Variants in SLC28A3 observed in about 807,000 individuals in gnomAD.
The protein encoded by SLC28A3 is solute carrier family 28 member 3.
In SLC28A3, 68 loss-of-function variants were observed where a neutral mutation model predicts 84.2. The observed-to-expected ratio is 0.81, with a 90% CI of 0.66 to 0.99. SLC28A3 has a LOEUF of 0.99. SLC28A3 is among the 50% of genes least tolerant of loss of function. The probability of loss-of-function intolerance (pLI) is 0.00; values close to 1 mark genes in which losing one functional copy is unlikely to be tolerated. For missense variants in SLC28A3, 712 were observed against 841.5 expected, an observed-to-expected ratio of 0.85 and a Z score of 1.90; for synonymous variants, 267 against 303.6, an observed-to-expected ratio of 0.88 and a Z score of 1.25.
intron 1 of SLC28A3, among the ~76,000 whole-genome samples, chr9:84,320,040 G>GTTTTGTTTTTTT (rs1826311866): frequency 1.7e-5 from 1 of 59,566 alleles, no homozygotes; most frequent in African/African-American, 9.8e-5. Context: ...GGCTTGCACT[G>GTTTTGTTTTTTT]TTTTTTTTTT....
intron 1 of SLC28A3, among the ~76,000 whole-genome samples, chr9:84,330,293 C>A (rs1315052706): frequency 1.3e-5 from 2 of 152,074 alleles, no homozygotes; most frequent in Non-Finnish European, 1.5e-5. Flanking sequence ...TAACTAAATT[C>A]ATGAATGAAA....
the SLC28A3 span, among the ~76,000 whole-genome samples, chr9:84,350,971 T>A: frequency 1.3e-5 from 2 of 152,190 alleles, no homozygotes; most frequent in African/African-American, 4.8e-5. Context: ...CCTCCCAAAG[T>A]GCTGGGATTA....
At chr9:84,321,733 CAAAAAAA>C (rs10707383) in intron 1 of SLC28A3, among the ~76,000 whole-genome samples, 3 of 65,108 alleles carry the variant, frequency 4.6e-5, no homozygotes, top group Admixed American at 1.8e-4. Context: ...GACTCCGTCT[CAAAAAAA>C]AAAAAAAAAA....
intron 10 of SLC28A3, among the ~76,000 whole-genome samples, chr9:84,291,547 G>C (rs1159014486): frequency 2.6e-5 from 4 of 152,178 alleles, no homozygotes; most frequent in African/African-American, 9.7e-5. Flanking sequence ...TGTTGGTCAG[G>C]CTGGTCTCAA....
At chr9:84,348,910 ATTT>A in the SLC28A3 span, among the ~76,000 whole-genome samples, 1 of 140,760 alleles carries the variant, frequency 7.1e-6, no homozygotes. Context: ...ATAAACTTGT[ATTT>A]TTTTTTTTTT....
intron 1 of SLC28A3, among the ~76,000 whole-genome samples, chr9:84,337,540 G>A (rs966188402): frequency 1.3e-5 from 2 of 152,078 alleles, no homozygotes; most frequent in Admixed American, 1.3e-4. Context: ...GAACTGATGG[G>A]AACATCTTGC....
chr9:84,301,890 T>C (rs1825648238), intron 5 of SLC28A3, among the ~76,000 whole-genome samples: 1 of 152,172 alleles, frequency 6.6e-6, no homozygotes, highest in Non-Finnish European at 1.5e-5. Flanking sequence ...GGCATGGAGG[T>C]GTCTCTTCCT....
At chr9:84,280,413 C>A (rs1010820124) in intron 15 of SLC28A3, among the ~76,000 whole-genome samples, 44 of 152,146 alleles carry the variant, frequency 2.9e-4, no homozygotes, top group Non-Finnish European at 5.1e-4. Flanking sequence ...AGATGATGTG[C>A]AACTCAACTG....
At chr9:84,358,337 T>C in the SLC28A3 span, among the ~76,000 whole-genome samples, 1 of 152,164 alleles carries the variant, frequency 6.6e-6, no homozygotes, top group African/African-American at 2.4e-5. Context: ...ATGCAGTTTA[T>C]ACAGCATTTT....
intron 10 of SLC28A3, 187 bp downstream of exon 10, chr9:84,292,481 C>G (rs758141691): frequency 3.2e-5 from 13 of 402,196 alleles, no homozygotes; most frequent in East Asian, 8.4e-5. Context: ...CTCTGTCTCT[C>G]TCTCTCTCTC....
chr9:84,317,803 T>C (rs1477127563), intron 1 of SLC28A3, among the ~76,000 whole-genome samples: 1 of 152,198 alleles, frequency 6.6e-6, no homozygotes, highest in Non-Finnish European at 1.5e-5. Flanking sequence ...GACTATTAAG[T>C]TAATTTCATG....
At chr9:84,288,016 A>C in intron 12 of SLC28A3, 32 bp downstream of exon 12, 1 of 1,612,604 alleles carries the variant, frequency 6.2e-7, no homozygotes, top group Non-Finnish European at 8.5e-7. Flanking sequence ...CGGCTTGGGT[A>C]GTCATTAATT....
At chr9:84,296,521 A>C (rs998693665) in intron 8 of SLC28A3, among the ~76,000 whole-genome samples, 1 of 152,240 alleles carries the variant, frequency 6.6e-6, no homozygotes, top group Admixed American at 6.5e-5. Flanking sequence ...ACCCGAATGC[A>C]TGTTTCTGAC....
At chr9:84,292,829 C>T in intron 9 of SLC28A3, 81 bp from the exon 10 acceptor site, 1 of 952,580 alleles carries the variant, frequency 1.0e-6, no homozygotes, top group African/African-American at 1.7e-5. Context: ...AATCCTTAAA[C>T]TGGTGTAAAA....
At chr9:84,294,504 A>G (rs1173039533) in intron 8 of SLC28A3, among the ~76,000 whole-genome samples, 1 of 152,188 alleles carries the variant, frequency 6.6e-6, no homozygotes, top group Non-Finnish European at 1.5e-5. Flanking sequence ...TTTTTTGCTC[A>G]AAGAAGGAAT....
chr9:84,292,067 T>C (rs778264769), intron 10 of SLC28A3, among the ~76,000 whole-genome samples: 2 of 152,180 alleles, frequency 1.3e-5, no homozygotes, highest in Admixed American at 1.3e-4. Flanking sequence ...GCATTTTTCT[T>C]CAGGCTCAGC....
At chr9:84,332,730 GA>G (rs916496524) in intron 1 of SLC28A3, among the ~76,000 whole-genome samples, 239 of 150,336 alleles carry the variant, frequency 1.6e-3, no homozygotes, top group African/African-American at 5.1e-3. Context: ...ACACTTGTTC[GA>G]AAAAAAAATC....
At chr9:84,351,523 G>A in the SLC28A3 span, among the ~76,000 whole-genome samples, 1 of 152,018 alleles carries the variant, frequency 6.6e-6, no homozygotes, top group South Asian at 2.1e-4. Context: ...GTTGGGCATG[G>A]TGGCATGCGC....
intron 3 of SLC28A3, among the ~76,000 whole-genome samples, chr9:84,305,750 ACT>A (rs1290061173): frequency 6.6e-6 from 1 of 152,050 alleles, no homozygotes. Flanking sequence ...AAGCCAAGGA[ACT>A]CTGTCATCCC....
Sources: allele counts gnomAD v4.1 joint callset (sites outside exome capture counted in the v4.1 genomes callset), GRCh38; gene constraint gnomAD v4.1.1; transcripts MANE v1.5; gene names NCBI Gene and HGNC (gene_info 2026-07-23, HGNC 2026-07-21).